SORCS3: variants seen among roughly 807,000 people sequenced by gnomAD.
The protein encoded by SORCS3 is VPS10 domain-containing receptor SorCS3.
SORCS3 carries 57 observed loss-of-function variants against 146.3 expected under a neutral mutation model. The observed-to-expected ratio is 0.39, with a 90% CI of 0.31 to 0.49. SORCS3 has a LOEUF of 0.49. SORCS3 is among the 20% of genes least tolerant of loss of function. The probability of loss-of-function intolerance (pLI) is 0.92; values close to 1 mark genes in which losing one functional copy is unlikely to be tolerated. For missense variants in SORCS3, 1,341 were observed against 1,575.5 expected (o/e 0.85, Z 2.52); for synonymous variants, 653 against 618.5 (o/e 1.06, Z -0.83).
chr10:104,845,220 T>G (rs2451478), intron 2 of SORCS3, among the ~76,000 whole-genome samples: 1 of 152,134 alleles, frequency 6.6e-6, no homozygotes, highest in Non-Finnish European at 1.5e-5. Flanking sequence ...TTTTTCTTGG[T>G]CCTTATCACC....
intron 4 of SORCS3, among the ~76,000 whole-genome samples, chr10:105,013,662 T>G (rs1427694780): frequency 6.6e-6 from 1 of 152,116 alleles, no homozygotes; most frequent in African/African-American, 2.4e-5. Context: ...CTTAAAACTC[T>G]TAAAAGATAC....
chr10:104,752,622 C>T (rs1175820343), intron 1 of SORCS3, among the ~76,000 whole-genome samples: 2 of 152,142 alleles, frequency 1.3e-5, no homozygotes, highest in African/African-American at 2.4e-5. Flanking sequence ...GGATGTTAGG[C>T]GTGTCCCATT....
intron 3 of SORCS3, among the ~76,000 whole-genome samples, chr10:104,940,228 A>AT (rs2019300998): frequency 5.8e-5 from 2 of 34,216 alleles, no homozygotes; most frequent in African/African-American, 1.3e-4. Context: ...ATATATATAT[A>AT]TATATATATA....
chr10:105,011,650 G>A (rs1202496786), intron 4 of SORCS3, among the ~76,000 whole-genome samples: 1 of 152,162 alleles, frequency 6.6e-6, no homozygotes, highest in Non-Finnish European at 1.5e-5. Context: ...CATTTTGAGA[G>A]CCTAGGGCCT....
chr10:104,951,582 C>T (rs180723723), intron 3 of SORCS3, among the ~76,000 whole-genome samples: 2 of 152,086 alleles, frequency 1.3e-5, no homozygotes, highest in Non-Finnish European at 2.9e-5. Flanking sequence ...TGACCTCAAG[C>T]AGTCCTCTCA....
chr10:105,211,082 G>A, intron 16 of SORCS3, 55 bp from the exon 17 acceptor site: 2 of 1,266,078 alleles, frequency 1.6e-6, no homozygotes, highest in Non-Finnish European at 2.3e-6. Context: ...TGTGCCTGCG[G>A]TTATTTTAGC....
chr10:104,913,571 C>T (rs909480133), intron 2 of SORCS3, among the ~76,000 whole-genome samples: 13 of 152,200 alleles, frequency 8.5e-5, no homozygotes, highest in African/African-American at 1.7e-4. Context: ...ATTCAGTAAA[C>T]GTGAAACGTG....
intron 9 of SORCS3, among the ~76,000 whole-genome samples, chr10:105,149,327 C>G (rs1287320343): frequency 2.0e-5 from 3 of 152,038 alleles, no homozygotes; most frequent in South Asian, 2.1e-4. Context: ...CGGTAGAAAA[C>G]AAAATCGTAG....
intron 2 of SORCS3, among the ~76,000 whole-genome samples, chr10:104,913,097 C>T (rs887519940): frequency 2.6e-5 from 4 of 152,106 alleles, no homozygotes; most frequent in Admixed American, 1.3e-4. Flanking sequence ...CAGAAAGGGA[C>T]GTTGAAGCCA....
At chr10:105,119,699 C>A (rs913936397) in intron 7 of SORCS3, among the ~76,000 whole-genome samples, 6 of 152,130 alleles carry the variant, frequency 3.9e-5, no homozygotes, top group African/African-American at 1.4e-4. Context: ...TTAATGGCTG[C>A]CCTATTGGAT....
chr10:104,940,226 ATATATATATATATTTTTTT>A (rs1219938158), intron 3 of SORCS3, among the ~76,000 whole-genome samples: 6,234 of 34,454 alleles, frequency 0.18, 310 homozygotes, highest in African/African-American at 0.23. Context: ...ATATATATAT[ATATATATATATATTTTTTT>A]TTTTTTTTTT....
intron 3 of SORCS3, among the ~76,000 whole-genome samples, chr10:104,940,339 C>T (rs2019306852): frequency 8.0e-6 from 1 of 124,320 alleles, no homozygotes; most frequent in Admixed American, 7.6e-5. Context: ...GTGTGCCGCA[C>T]CCATTAACTC....
At position 105,147,522 on chromosome 10, in the gene SORCS3, TCAGCAA is replaced by T; in HGVS notation, c.1303-94_1303-89del. ...CATTGCCTATAACTCAAGCTTTTTC[TCAGCAA>T]TTTCATAAGTCATAGTAATTACTTG... On this transcript the variant is annotated intron_variant, in intron 8 of 26. Coordinates refer to ENST00000369701, the MANE Select transcript of SORCS3 (RefSeq NM_014978.3). The T allele has an allele frequency of 2.7e-6, 3 of 1,117,102 alleles. No homozygotes were observed. In the African/African-American group the frequency reaches 4.7e-5, roughly 18 times the overall value. 69.2% of individuals were successfully genotyped at this position (1,117,102 alleles called of 1,614,324 possible).
Position 104,786,733 on chromosome 10 carries a change from G to T in SORCS3, c.628-56059G>T, listed in dbSNP as rs569416814. 6.6e-5 allele frequency among the ~76,000 whole-genome samples: 10 copies of T among 152,240 alleles called. No homozygotes were observed. In the East Asian group the frequency reaches 1.9e-3, roughly 29 times the overall value. ...CGAGACCAGGTCCTTGCCTCTGTGG[G>T]TACTGGCTCCCTTGGTCTGTGACCC... On this transcript the variant is annotated intron_variant, in intron 1 of 26. Transcript: ENST00000369701.
intron 5 of SORCS3, among the ~76,000 whole-genome samples, chr10:105,074,150 T>C (rs1252187023): frequency 6.6e-6 from 1 of 152,236 alleles, no homozygotes; most frequent in Non-Finnish European, 1.5e-5. Context: ...CATTCATACA[T>C]GCCAGGCATT....
intron 9 of SORCS3, among the ~76,000 whole-genome samples, chr10:105,152,737 C>T (rs564820380): frequency 6.6e-6 from 1 of 152,160 alleles, no homozygotes. Flanking sequence ...CCAGTGGCTA[C>T]TGTTTTGGAT....
intron 2 of SORCS3, among the ~76,000 whole-genome samples, chr10:104,891,639 A>G (rs1013674954): frequency 2.0e-5 from 3 of 152,022 alleles, no homozygotes; most frequent in Non-Finnish European, 2.9e-5. Context: ...TTGTTGTTTT[A>G]TATGTTTTAT....
At chr10:105,122,945 C>G (rs556710623) in intron 7 of SORCS3, among the ~76,000 whole-genome samples, 7 of 152,296 alleles carry the variant, frequency 4.6e-5, no homozygotes, top group African/African-American at 1.7e-4. Flanking sequence ...TAAGTCTGGC[C>G]TCATCATTAA....
chr10:104,906,009 G>C (rs573701666), intron 2 of SORCS3, among the ~76,000 whole-genome samples: 1 of 152,140 alleles, frequency 6.6e-6, no homozygotes, highest in African/African-American at 2.4e-5. Flanking sequence ...TGGTCTGAAG[G>C]CTCTCTATTT....
Sources: gnomAD v4.1 joint callset for allele counts (sites outside exome capture counted in the v4.1 genomes callset) on GRCh38, gnomAD v4.1.1 for gene constraint, MANE v1.5 for transcripts, NCBI Gene and HGNC (gene_info 2026-07-23, HGNC 2026-07-21) for gene names.